The following RYR2 variants were observed in gnomAD, a reference collection of about 807,000 sequenced individuals.
RYR2 encodes ryanodine receptor 2, also known as cardiac muscle ryanodine receptor-calcium release channel.
Under a neutral mutation model 601.1 loss-of-function variants are expected in RYR2, and 227 were observed. The ratio of observed to expected loss-of-function variants is 0.38; its 90% confidence interval spans 0.34 to 0.42. RYR2 has a LOEUF of 0.42. Ranked by LOEUF, RYR2 falls within the 10% of genes least tolerant of loss-of-function variation. The pLI is 1.00. For synonymous variants in RYR2, 2,223 were observed against 2,175.1 expected (o/e 1.02, Z -0.61); for missense variants, 4,646 against 6,156.5 (o/e 0.75, Z 8.21).
intron 1 of RYR2, among the ~76,000 whole-genome samples, chr1:237,240,351 T>C (rs371657369): frequency 6.6e-6 from 1 of 152,148 alleles, no homozygotes; most frequent in East Asian, 1.9e-4. Context: ...ATAATTCTCA[T>C]TGTGACCCTT....
intron 11 of RYR2, among the ~76,000 whole-genome samples, chr1:237,418,162 C>A (rs1428892264): frequency 1.3e-5 from 2 of 152,140 alleles, no homozygotes; most frequent in African/African-American, 4.8e-5. Flanking sequence ...CCTGCCTCAG[C>A]CTCCCGAGTA....
At chr1:237,483,565 A>G (rs1662355600) in intron 17 of RYR2, among the ~76,000 whole-genome samples, 1 of 152,190 alleles carries the variant, frequency 6.6e-6, no homozygotes, top group Non-Finnish European at 1.5e-5. Flanking sequence ...GATACCTCTT[A>G]CTATGATATT....
chr1:237,732,017 G>T, intron 77 of RYR2, 29 bp from the exon 78 acceptor site: 1 of 1,428,336 alleles, frequency 7.0e-7, no homozygotes, highest in Non-Finnish European at 9.8e-7. Flanking sequence ...TTTTTAATGT[G>T]ACATTTTATA....
At position 237,331,735 on chromosome 1, in the gene RYR2, T is replaced by C. The variant is rs551024587; in HGVS notation, c.273+753T>C. ...TTCACCATGTTGGCCAGGATGGTCT[T>C]GACCTCCTGACCTCGTGATCTGCCC... On this transcript the variant is annotated intron_variant, in intron 3 of 104. Transcript: ENST00000366574. Among the ~76,000 whole-genome samples the C allele has an allele frequency of 4.5e-4, 68 of 151,802 alleles. No individual in the cohort carries two copies. The East Asian group carries it at 0.012, about 26-fold the overall frequency.
chr1:237,052,318 G>A (rs538823296), intron 1 of RYR2, among the ~76,000 whole-genome samples: 2 of 152,298 alleles, frequency 1.3e-5, no homozygotes, highest in East Asian at 3.9e-4. Flanking sequence ...GTGAAGAGAT[G>A]ATGGATGTGG....
At chr1:237,240,792 A>T (rs1431197192) in intron 1 of RYR2, among the ~76,000 whole-genome samples, 2 of 151,688 alleles carry the variant, frequency 1.3e-5, no homozygotes, top group Admixed American at 1.3e-4. Context: ...TGTGAAAGGT[A>T]CTTTCTTCCC....
chr1:237,582,479 T>A (rs1304286933), intron 29 of RYR2, among the ~76,000 whole-genome samples: 1 of 152,110 alleles, frequency 6.6e-6, no homozygotes, highest in Admixed American at 6.6e-5. Context: ...TTCAGGTTTG[T>A]TGCCTGGGTA....
rs750057868 is a variant in RYR2 at position 237,793,860 on chromosome 1, T to C, written c.13783-7T>C. ...CTAATTTTAACGTATTTATTTTTCC[T>C]ATGTAGGTCCCATTGGTTATTTTTA... On this transcript the variant is annotated splice_region_variant and splice_polypyrimidine_tract_variant and intron_variant, in intron 94 of 104. Coordinates refer to ENST00000366574, the MANE Select transcript of RYR2 (RefSeq NM_001035.3). 2.4e-5 allele frequency: 39 copies of C among 1,597,606 alleles called. No individual in the cohort carries two copies. Among genetic ancestry groups the C allele is most frequent in the African/African-American group, 5.4e-5 (4 of 74,560 alleles).
intron 22 of RYR2, among the ~76,000 whole-genome samples, chr1:237,503,896 TG>T (rs1392990067): frequency 6.6e-6 from 1 of 152,064 alleles, no homozygotes; most frequent in Admixed American, 6.5e-5. Context: ...TTAGTAGAGA[TG>T]GGGTTTCATC....
rs1558425386 is a variant in RYR2, at chr1:237,792,368, T to TGTGTGTGTGCGCGC, written c.13782+54_13782+55insCGCGCGTGTGTGTG. On this transcript the variant is annotated intron_variant, in intron 94 of 104. Transcript: ENST00000366574. The stretch of plus-strand genomic sequence containing the variant: ...AGGTACCTGTGTGTGTGTGTGTGTG[T>TGTGTGTGTGCGCGC]GTGTGTGTGTGTGCGTGTGTGTGTG... The TGTGTGTGTGCGCGC allele has an allele frequency of 2.9e-5, 27 of 928,630 alleles. No individual in the cohort carries two copies. The African/African-American group carries it at 4.1e-4, about 14-fold the overall frequency. 57.5% of individuals were successfully genotyped at this position (928,630 alleles called of 1,614,324 possible).
intron 1 of RYR2, among the ~76,000 whole-genome samples, chr1:237,268,479 A>AT (rs368894960): frequency 3.3e-4 from 50 of 152,232 alleles, no homozygotes; most frequent in African/African-American, 1.2e-3. Context: ...GAATAATGCT[A>AT]TTTTTTTAGC....
At position 237,264,896 on chromosome 1, in the gene RYR2, T is replaced by C. The variant is rs1460573894; in HGVS notation, c.49-5601T>C. Among the ~76,000 whole-genome samples, 3 of 151,796 alleles carry C rather than the reference T, an allele frequency of 2.0e-5. No homozygotes were observed. In the East Asian group the frequency reaches 5.8e-4, roughly 29 times the overall value. On this transcript the variant is annotated intron_variant, in intron 1 of 104. Transcript: ENST00000366574. ...TTTTTTTTTTTAGTAGAGATGGGGT[T>C]TCACCATGTTGGCCAGGCTGGTCTC... is the stretch of plus-strand genomic sequence containing the variant.
chr1:237,199,460 C>T lies in RYR2; in HGVS notation c.49-71037C>T, dbSNP rs12097730. 9.1e-4 allele frequency among the ~76,000 whole-genome samples: 138 copies of T among 152,302 alleles called. 1 individual carries two copies. The highest frequency in any genetic ancestry group is 5.0e-3 in the East Asian group (26 of 5,186). ...GTTTGAGGGCAGGAAGCATCCAGCA[C>T]GGGAGAAAGATGGGGGCCAGGAGAC... On this transcript the variant is annotated intron_variant, in intron 1 of 104. Coordinates refer to ENST00000366574, the MANE Select transcript of RYR2 (RefSeq NM_001035.3).
chr1:237,397,143 C>T (rs1464947252), intron 10 of RYR2, among the ~76,000 whole-genome samples: 1 of 151,436 alleles, frequency 6.6e-6, no homozygotes, highest in Non-Finnish European at 1.5e-5. Context: ...GTGGCTGAGA[C>T]AGGAGAATCG....
intron 3 of RYR2, among the ~76,000 whole-genome samples, chr1:237,334,137 T>C (rs567784826): frequency 6.6e-6 from 1 of 152,282 alleles, no homozygotes; most frequent in East Asian, 1.9e-4. Context: ...TTTTTTGTGG[T>C]TAAGGACCAT....
Position 237,589,774 on chromosome 1 carries a change from A to ATTTT in RYR2, c.3599-12_3599-9dup. 2 of 1,579,142 alleles carry ATTTT rather than the reference A, an allele frequency of 1.3e-6. No individual in the cohort carries two copies. Among genetic ancestry groups the ATTTT allele is most frequent in the Admixed American group, 1.7e-5 (1 of 58,654 alleles). ...CATATACTAATGGTACTAAAACTTGATTTTTTTTTTCTTCCCAGGATTCAT... is the reference window on the plus strand; with the variant it reads ...CATATACTAATGGTACTAAAACTTGATTTTTTTTTTTTTTCTTCCCAGGATTCAT... On this transcript the variant is annotated intron_variant, in intron 29 of 104. Transcript: ENST00000366574.
At chr1:237,681,373 G>T (rs1277589622) in intron 62 of RYR2, among the ~76,000 whole-genome samples, 1 of 152,184 alleles carries the variant, frequency 6.6e-6, no homozygotes, top group African/African-American at 2.4e-5. Context: ...TAGACAGAGT[G>T]AGATGAGATT....
intron 3 of RYR2, among the ~76,000 whole-genome samples, chr1:237,352,366 A>G (rs1698926774): frequency 1.3e-5 from 2 of 152,136 alleles, no homozygotes; most frequent in Admixed American, 6.5e-5. Context: ...ATGAAACAAC[A>G]CATACCTAGG....
rs12097529 is a variant in RYR2, at chr1:237,345,489, A to C, written c.274-10476A>C. Among the ~76,000 whole-genome samples the C allele has an allele frequency of 1.1e-4, 16 of 151,276 alleles. No individual in the cohort carries two copies. The South Asian group carries it at 2.7e-3, about 26-fold the overall frequency. ...AAATAAAAAATAAAAAATAAAAAAA[A>C]ATATATATATGTACTATGTACATAT... On this transcript the variant is annotated intron_variant, in intron 3 of 104. Transcript: ENST00000366574.
Sources: allele counts gnomAD v4.1 joint callset (sites outside exome capture counted in the v4.1 genomes callset), GRCh38; gene constraint gnomAD v4.1.1; transcripts MANE v1.5; gene names NCBI Gene and HGNC (gene_info 2026-07-23, HGNC 2026-07-21).